CTSA: variants seen among roughly 807,000 people sequenced by gnomAD.
CTSA encodes the protein cathepsin A, also known as lysosomal protective protein.
In CTSA, 42 loss-of-function variants were observed where a neutral mutation model predicts 66.7. That is an observed-to-expected ratio of 0.63 (90% confidence interval 0.49 to 0.81). The LOEUF is 0.81. CTSA is among the 40% of genes least tolerant of loss of function. CTSA has a pLI of 0.00. For synonymous variants in CTSA, 225 were observed against 248.6 expected (o/e 0.91, Z 0.89); for missense variants, 525 against 610.9 (o/e 0.86, Z 1.48).
At chr20:45,895,160 T>G in intron 11 of CTSA, 27 bp downstream of exon 11, 1 of 1,613,860 alleles carries the variant, frequency 6.2e-7, no homozygotes, top group Non-Finnish European at 8.5e-7. Context: ...ACCTGTGACT[T>G]GGGGTGGTGG....
chr20:45,896,820 A>C (rs1188071942), intron 11 of CTSA, 145 bp from the exon 12 acceptor site: 1 of 697,100 alleles, frequency 1.4e-6, no homozygotes, highest in Admixed American at 2.1e-5. Flanking sequence ...AGTCCTAGAG[A>C]GGTGGCCCCC....
At position 45,891,865 on chromosome 20, in the gene CTSA, C is replaced by A. The variant is rs1986969711; in HGVS notation, c.195-51C>A. 5 of 1,606,098 alleles carry A rather than the reference C, an allele frequency of 3.1e-6. No homozygotes were observed. Among genetic ancestry groups the A allele is most frequent in the African/African-American group, 1.3e-5 (1 of 74,882 alleles). On this transcript the variant is annotated intron_variant, in intron 2 of 14. Coordinates refer to ENST00000646241, the MANE Select transcript of CTSA (RefSeq NM_000308.4). The surrounding 1 kb of genome is among the most constrained non-coding windows in gnomAD (Gnocchi z 4.6). ...TGAGGATGCCTGGGAGCCGGGAGGG[C>A]TGGAAAGGGCCCCTCCAACTGCGCC... is the stretch of plus-strand genomic sequence containing the variant.
intron 7 of CTSA, among the ~76,000 whole-genome samples, chr20:45,893,766 C>T (rs2145817562): frequency 6.6e-6 from 1 of 152,270 alleles, no homozygotes; most frequent in South Asian, 2.1e-4. Context: ...CTACAGCGCC[C>T]AGCCAGAAAT....
chr20:45,893,603 C>T (rs1468119822), intron 7 of CTSA, among the ~76,000 whole-genome samples: 2 of 151,922 alleles, frequency 1.3e-5, no homozygotes, highest in Non-Finnish European at 2.9e-5. Flanking sequence ...ATGCCTCAGA[C>T]TCCCAGGCAG....
In CTSA at chr20:45,892,598, T is replaced by C. The variant is rs149707697; in HGVS notation, c.444+114T>C. The C allele has an allele frequency of 7.5e-3, 11,221 of 1,487,330 alleles. 60 individuals carry two copies. Among genetic ancestry groups the C allele is most frequent in the Non-Finnish European group, 8.9e-3 (9,484 of 1,067,894 alleles). The allele number at this position is 1,487,330 out of a possible 1,614,324, so 92.1% of individuals were successfully genotyped here. On this transcript the variant is annotated intron_variant, in intron 5 of 14. Transcript: ENST00000646241. ...TACTTTTCGCTCTGTCATATGCTAT[T>C]GTGGTATGGTGGCCAGTCACTTCCT... is the stretch of plus-strand genomic sequence containing the variant.
rs2083135804 is a variant in CTSA, at chr20:45,898,342, G to A, written c.1360-25G>A. ...TGGGGAGGAGGGAATGGTGGGGTCAGGAGCTCACGAACATTGCTCCTCAGG... is the reference window on the plus strand; with the variant it reads ...TGGGGAGGAGGGAATGGTGGGGTCAAGAGCTCACGAACATTGCTCCTCAGG... On this transcript the variant is annotated intron_variant, in intron 14 of 14. Transcript: ENST00000646241. This position sits in a 1 kb window ranked among gnomAD's most constrained non-coding sequence, Gnocchi z 4.6. 1 of 1,603,782 alleles carries A rather than the reference G, an allele frequency of 6.2e-7. No individual in the cohort carries two copies. Among genetic ancestry groups the A allele is most frequent in the Admixed American group, 1.7e-5 (1 of 59,562 alleles).
intron 11 of CTSA, among the ~76,000 whole-genome samples, chr20:45,895,409 C>T (rs146707412): frequency 6.6e-6 from 1 of 152,274 alleles, no homozygotes; most frequent in African/African-American, 2.4e-5. Context: ...CAGCCTCAAA[C>T]TCATGGGCTC....
chr20:45,896,069 C>T (rs764425855), intron 11 of CTSA, among the ~76,000 whole-genome samples: 8 of 152,096 alleles, frequency 5.3e-5, no homozygotes, highest in Non-Finnish European at 1.2e-4. Flanking sequence ...CTGTTGGGCA[C>T]CTGTAATCCC....
At chr20:45,893,183 C>A in intron 6 of CTSA, 37 bp from the exon 7 acceptor site, 1 of 1,548,564 alleles carries the variant, frequency 6.5e-7, no homozygotes, top group Non-Finnish European at 8.9e-7. Context: ...TTCCTTTTTG[C>A]CCTCCACATG....
In CTSA at chr20:45,898,111, T is replaced by C; in HGVS notation, c.1359+2T>C. On this transcript the variant is annotated splice_donor_variant, in intron 14 of 14. Coordinates refer to ENST00000646241, the MANE Select transcript of CTSA (RefSeq NM_000308.4). LOFTEE classifies it high-confidence loss of function. The surrounding 1 kb of genome is among the most constrained non-coding windows in gnomAD (Gnocchi z 4.6). ...CACATCGCCTTTCTCACGATCAAGG[T>C]AGGGACTGGGCCTGCTGAGAGATAA... 1.9e-6 allele frequency: 3 copies of C among 1,613,334 alleles called. No individual in the cohort carries two copies. The highest frequency in any genetic ancestry group is 8.5e-7 in the Non-Finnish European group (1 of 1,179,462).
chr20:45,895,376 A>G (rs1343842551), intron 11 of CTSA: 8 of 508,246 alleles, frequency 1.6e-5, no homozygotes, highest in Non-Finnish European at 2.5e-5. Context: ...GCTGGAGTGC[A>G]GTGGTGTGAT....
intron 11 of CTSA, 129 bp from the exon 12 acceptor site, chr20:45,896,836 A>C (rs937029886): frequency 9.9e-6 from 8 of 806,544 alleles, no homozygotes; most frequent in Non-Finnish European, 2.2e-6. Flanking sequence ...CCCCCCCCCA[A>C]AAAGGGGAGT....
chr20:45,896,574 A>T (rs1051450410), intron 11 of CTSA: 17 of 303,168 alleles, frequency 5.6e-5, no homozygotes, highest in Non-Finnish European at 1.0e-4. Context: ...CTGGGACTAC[A>T]GGCACGCACC....
Position 45,895,181 on chromosome 20 carries a change from C to T in CTSA, c.1088+48C>T, listed in dbSNP as rs1289111870. The T allele has an allele frequency of 1.6e-5, 26 of 1,612,158 alleles. 1 individual carries two copies. The Admixed American group carries it at 4.2e-4, about 26-fold the overall frequency. Reference sequence around the variant, plus strand: ...GACTTGGGGTGGTGGGTTGCTGGGGCTTGTGGGCATCGGCAGGTTTCTCAG... The same window carrying T: ...GACTTGGGGTGGTGGGTTGCTGGGGTTTGTGGGCATCGGCAGGTTTCTCAG... On this transcript the variant is annotated intron_variant, in intron 11 of 14. Transcript: ENST00000646241.
intron 7 of CTSA, among the ~76,000 whole-genome samples, chr20:45,893,700 A>G (rs1987093097): frequency 6.6e-6 from 1 of 151,982 alleles, no homozygotes; most frequent in African/African-American, 2.4e-5. Context: ...GCCAGGCTGG[A>G]CTTGAACTCC....
Position 45,895,035 on chromosome 20 carries a change from CT to C in CTSA, c.991del (p.Cys331AlafsTer36), listed in dbSNP as rs745743780. The C allele has an allele frequency of 8.1e-6, 13 of 1,614,038 alleles. No individual in the cohort carries two copies. The Admixed American group carries it at 1.3e-4, about 17-fold the overall frequency. On this transcript the variant is annotated frameshift_variant, in exon 11 of 15. Transcript: ENST00000646241. LOFTEE classifies it high-confidence loss of function. ...SGDKVRMDPP[C>X]TNTTAASTYL... ...GGGATAAAGTGCGCATGGACCCCCC[CT>C]GCACCAACACAACAGCTGCTTCCAC...
In CTSA at chr20:45,892,028, G is replaced by A. The variant is rs1302965375; in HGVS notation, c.306+1G>A. Reference sequence around the variant, plus strand: ...CCTCACAGAGCATGGCCCCTTCCTGGTGAGTGGACAGCAGGGGGAAAGCAC... The same window carrying A: ...CCTCACAGAGCATGGCCCCTTCCTGATGAGTGGACAGCAGGGGGAAAGCAC... On this transcript the variant is annotated splice_donor_variant, in intron 3 of 14. Transcript: ENST00000646241. LOFTEE classifies it high-confidence loss of function. The A allele has an allele frequency of 6.2e-7, 1 of 1,611,174 alleles. No individual in the cohort carries two copies. The highest frequency in any genetic ancestry group is 1.7e-5 in the Admixed American group (1 of 60,016).
chr20:45,892,518 C>G, intron 5 of CTSA, 34 bp downstream of exon 5: 1 of 1,595,766 alleles, frequency 6.3e-7, no homozygotes, highest in Non-Finnish European at 8.6e-7. Context: ...GCCCCAGGCT[C>G]CCCGGTCCTC....
At chr20:45,895,344 A>C in intron 11 of CTSA, 3 of 585,992 alleles carry the variant, frequency 5.1e-6, no homozygotes, top group South Asian at 4.1e-5. Context: ...TGTTTGAGAC[A>C]AGGTCTCACT....
Sources: allele counts gnomAD v4.1 joint callset (sites outside exome capture counted in the v4.1 genomes callset), GRCh38; gene constraint gnomAD v4.1.1; non-coding constraint Gnocchi (gnomAD v3.1); transcripts MANE v1.5; gene names NCBI Gene and HGNC (gene_info 2026-07-23, HGNC 2026-07-21).